The following MPP7 variants were observed in gnomAD, a reference collection of about 807,000 sequenced individuals.
The protein encoded by MPP7 is MAGUK p55 scaffold protein 7.
In MPP7, 60 loss-of-function variants were observed where a neutral mutation model predicts 76.5. That is an observed-to-expected ratio of 0.78 (90% CI 0.64 to 0.97). The LOEUF (loss-of-function observed/expected upper bound fraction) is 0.97, where lower values mean the gene tolerates loss of function less well. Among genes scored for constraint, MPP7 ranks in the 50% least tolerant of loss-of-function variants. The probability of loss-of-function intolerance (pLI) is 0.00; values close to 1 mark genes in which losing one functional copy is unlikely to be tolerated. For synonymous variants in MPP7, 237 were observed against 244.5 expected (o/e 0.97, Z 0.29); for missense variants, 641 against 694.0 (o/e 0.92, Z 0.86).
intron 12 of MPP7, among the ~76,000 whole-genome samples, chr10:28,071,869 C>T (rs1478353450): frequency 6.6e-6 from 1 of 151,990 alleles, no homozygotes; most frequent in East Asian, 1.9e-4. Flanking sequence ...GGATAGAAAC[C>T]ACAGATCAGA....
At chr10:28,196,373 G>A (rs564827316) in intron 3 of MPP7, among the ~76,000 whole-genome samples, 5 of 151,766 alleles carry the variant, frequency 3.3e-5, no homozygotes, top group Admixed American at 1.3e-4. Flanking sequence ...GCAGCTACAC[G>A]GGAGGCTGAG....
At chr10:28,205,699 G>A (rs1460429911) in intron 2 of MPP7, among the ~76,000 whole-genome samples, 1 of 152,172 alleles carries the variant, frequency 6.6e-6, no homozygotes. Context: ...TTAGAGTGCT[G>A]CGGCAATGGC....
intron 11 of MPP7, among the ~76,000 whole-genome samples, chr10:28,094,444 G>A (rs2133476071): frequency 1.3e-5 from 2 of 152,234 alleles, no homozygotes; most frequent in African/African-American, 4.8e-5. Context: ...GATTATAGTA[G>A]TAGCTGCCTC....
chr10:28,296,526 A>G lies in MPP7; in HGVS notation c.-132+6335T>C, dbSNP rs114546227. On this transcript the variant is annotated intron_variant, in intron 1 of 16. Coordinates refer to ENST00000683449, the MANE Select transcript of MPP7 (RefSeq NM_001318170.2). ...ATGCAGTCGTACCAGCTAGTCTTTA[A>G]TCTCCACTAACATTGCCAGTTCTAT... 4.6e-3 allele frequency among the ~76,000 whole-genome samples: 699 copies of G among 152,346 alleles called. 6 individuals carry two copies. Among genetic ancestry groups the G allele is most frequent in the African/African-American group, 0.015 (635 of 41,572 alleles).
chr10:28,272,965 T>C (rs998567297), intron 1 of MPP7, among the ~76,000 whole-genome samples: 1 of 152,192 alleles, frequency 6.6e-6, no homozygotes, highest in African/African-American at 2.4e-5. Flanking sequence ...TCAGCCAGGC[T>C]GTAGTGTAGT....
At chr10:28,329,390 A>G (rs2133191422) in intron 2 of MPP7, among the ~76,000 whole-genome samples, 1 of 152,232 alleles carries the variant, frequency 6.6e-6, no homozygotes, top group Non-Finnish European at 1.5e-5. Flanking sequence ...GCACTTTGGG[A>G]AGCCGAGGCA....
chr10:28,126,403 C>T (rs986519420), intron 6 of MPP7, among the ~76,000 whole-genome samples: 3 of 152,204 alleles, frequency 2.0e-5, no homozygotes, highest in Non-Finnish European at 2.9e-5. Flanking sequence ...AATTTTCCCA[C>T]CAAATATGCC....
At chr10:28,131,761 A>C (rs1835201733) in intron 5 of MPP7, 70 bp from the exon 6 acceptor site, 2 of 804,060 alleles carry the variant, frequency 2.5e-6, no homozygotes, top group Non-Finnish European at 3.2e-6. Context: ...ATATATATAA[A>C]ATTTCAAACA....
chr10:28,142,609 T>C (rs1835558283), intron 5 of MPP7, among the ~76,000 whole-genome samples: 1 of 152,124 alleles, frequency 6.6e-6, no homozygotes, highest in Non-Finnish European at 1.5e-5. Context: ...CGTGCACCTG[T>C]AGTCCCAGCT....
intron 11 of MPP7, among the ~76,000 whole-genome samples, chr10:28,097,199 T>A (rs562993088): frequency 3.3e-5 from 5 of 152,234 alleles, no homozygotes; most frequent in African/African-American, 1.2e-4. Context: ...CTCACCAGGT[T>A]GCACAGGCTA....
At chr10:28,234,035 G>C (rs994938651) in intron 2 of MPP7, among the ~76,000 whole-genome samples, 2 of 152,148 alleles carry the variant, frequency 1.3e-5, no homozygotes, top group Non-Finnish European at 2.9e-5. Context: ...CACTCCAGCA[G>C]CGATAAGCAA....
At position 28,289,328 on chromosome 10, in the gene MPP7, G is replaced by A. The variant is rs1268229598; in HGVS notation, c.-132+13533C>T. On this transcript the variant is annotated intron_variant, in intron 1 of 16. Coordinates refer to ENST00000683449, the MANE Select transcript of MPP7 (RefSeq NM_001318170.2). ...AAAAAAAAAAAAGCTAACCATATCA[G>A]TCCAGACTAGCAGACTAGTGGATTA... 4 of 151,450 alleles carry A rather than the reference G, an allele frequency of 2.6e-5. No individual in the cohort carries two copies. The East Asian group carries it at 7.8e-4, about 30-fold the overall frequency. 9.4% of individuals were successfully genotyped at this position (151,450 alleles called of 1,614,324 possible). A position where few individuals can be genotyped will look rare whatever the true frequency, so the allele number is the denominator to read the frequency against.
intron 11 of MPP7, among the ~76,000 whole-genome samples, chr10:28,104,084 A>C (rs1039568162): frequency 3.9e-5 from 6 of 152,212 alleles, no homozygotes; most frequent in Non-Finnish European, 7.3e-5. Flanking sequence ...TGAGGAATAC[A>C]AAAAGAAAAG....
chr10:28,226,912 T>C (rs1215515118), intron 2 of MPP7, among the ~76,000 whole-genome samples: 1 of 152,198 alleles, frequency 6.6e-6, no homozygotes, highest in Non-Finnish European at 1.5e-5. Context: ...AGTAAAGGCA[T>C]GCAATGTAGT....
intron 12 of MPP7, among the ~76,000 whole-genome samples, chr10:28,078,728 A>G (rs931348094): frequency 1.3e-5 from 2 of 152,230 alleles, no homozygotes; most frequent in African/African-American, 4.8e-5. Context: ...TGTCAATTGG[A>G]TAATTAAGAT....
chr10:28,237,582 T>C (rs1448733717), intron 2 of MPP7, among the ~76,000 whole-genome samples: 3 of 152,222 alleles, frequency 2.0e-5, no homozygotes, highest in Non-Finnish European at 2.9e-5. Context: ...AAAATGCCAG[T>C]GTAACATAAT....
chr10:28,207,150 G>A (rs1169054446), intron 2 of MPP7, among the ~76,000 whole-genome samples: 4 of 151,202 alleles, frequency 2.6e-5, no homozygotes, highest in African/African-American at 9.7e-5. Context: ...ATTTTAAGGA[G>A]GAAAAAAAAT....
intron 2 of MPP7, among the ~76,000 whole-genome samples, chr10:28,311,205 C>A (rs540069382): frequency 2.4e-4 from 37 of 152,210 alleles, no homozygotes; most frequent in African/African-American, 7.9e-4. Flanking sequence ...TTATTTTTTT[C>A]TATTTGGCAA....
chr10:28,316,855 G>A lies in MPP7; in HGVS notation c.-132+13074C>T, dbSNP rs185047728. On this transcript the variant is annotated intron_variant, in intron 2 of 11. Transcript: ENST00000441595. ...CGTGACTCAGCTCTGTCCTCTGTCAGGCTTTGAGTCTCTCTGTTCCATATT... is the reference window on the plus strand; with the variant it reads ...CGTGACTCAGCTCTGTCCTCTGTCAAGCTTTGAGTCTCTCTGTTCCATATT... 5.0e-3 allele frequency among the ~76,000 whole-genome samples: 762 copies of A among 152,276 alleles called. 25 individuals carry two copies. Among genetic ancestry groups the A allele is most frequent in the Admixed American group, 0.046 (707 of 15,296 alleles).
Sources: gnomAD v4.1 joint callset for allele counts (sites outside exome capture counted in the v4.1 genomes callset) on GRCh38, gnomAD v4.1.1 for gene constraint, MANE v1.5 for transcripts, NCBI Gene and HGNC (gene_info 2026-07-23, HGNC 2026-07-21) for gene names.